MORC1: variants seen among roughly 807,000 people sequenced by gnomAD.
MORC1 encodes MORC family CW-type zinc finger protein 1.
A neutral mutation model predicts 134.9 loss-of-function variants in MORC1; 59 were observed. The observed-to-expected ratio is 0.44, with a 90% CI of 0.35 to 0.54. The LOEUF (loss-of-function observed/expected upper bound fraction) is 0.54, where lower values mean the gene tolerates loss of function less well. MORC1 is among the 20% of genes least tolerant of loss of function. The pLI is 0.00. For synonymous variants in MORC1, 395 were observed against 391.7 expected (o/e 1.01, Z -0.10); for missense variants, 947 against 1,134.5 (o/e 0.83, Z 2.37).
chr3:109,045,128 G>A (rs1433061253), intron 14 of MORC1, among the ~76,000 whole-genome samples: 3 of 152,050 alleles, frequency 2.0e-5, no homozygotes, highest in Non-Finnish European at 2.9e-5. Context: ...GCCTGAAACA[G>A]TTTATAAACT....
At chr3:109,083,778 C>T (rs944502604) in intron 8 of MORC1, among the ~76,000 whole-genome samples, 3 of 152,054 alleles carry the variant, frequency 2.0e-5, no homozygotes, top group African/African-American at 7.2e-5. Context: ...ACAAGCAAAT[C>T]GAATTCATCA....
intron 17 of MORC1, among the ~76,000 whole-genome samples, chr3:109,021,583 A>C (rs1038975415): frequency 6.6e-6 from 1 of 152,240 alleles, no homozygotes; most frequent in Non-Finnish European, 1.5e-5. Flanking sequence ...AATGGATGGC[A>C]TTCCTCAGTG....
At chr3:109,092,264 T>A (rs1324517590) in intron 8 of MORC1, among the ~76,000 whole-genome samples, 1 of 152,198 alleles carries the variant, frequency 6.6e-6, no homozygotes, top group East Asian at 1.9e-4. Flanking sequence ...TCCATTTATG[T>A]GTATATTAGG....
chr3:109,081,748 C>G (rs916697248), intron 8 of MORC1, among the ~76,000 whole-genome samples: 1 of 152,162 alleles, frequency 6.6e-6, no homozygotes, highest in Non-Finnish European at 1.5e-5. Context: ...CCACTGCGCC[C>G]AGCCAAGAAT....
chr3:109,037,308 A>G (rs1949402140), intron 14 of MORC1, among the ~76,000 whole-genome samples: 1 of 152,162 alleles, frequency 6.6e-6, no homozygotes, highest in Non-Finnish European at 1.5e-5. Flanking sequence ...GTAGCGTCAC[A>G]TGGACTTGTT....
At chr3:109,106,251 ATT>A (rs1468467802) in intron 3 of MORC1, among the ~76,000 whole-genome samples, 4 of 152,190 alleles carry the variant, frequency 2.6e-5, no homozygotes, top group Non-Finnish European at 4.4e-5. Context: ...GCCACAGCTG[ATT>A]TGCACTTCTT....
At chr3:108,976,288 T>C (rs1323143002) in intron 24 of MORC1, among the ~76,000 whole-genome samples, 1 of 152,184 alleles carries the variant, frequency 6.6e-6, no homozygotes, top group African/African-American at 2.4e-5. Flanking sequence ...CCCTTTATAC[T>C]TCAAAGGTCT....
At chr3:109,095,863 T>A (rs1950822321) in intron 6 of MORC1, among the ~76,000 whole-genome samples, 1 of 152,086 alleles carries the variant, frequency 6.6e-6, no homozygotes, top group Non-Finnish European at 1.5e-5. Flanking sequence ...TAGATCACAT[T>A]ATTGTGACAA....
intron 24 of MORC1, among the ~76,000 whole-genome samples, chr3:108,971,803 GAGGAAGGAAGGA>G (rs370029015): frequency 7.0e-6 from 1 of 142,322 alleles, no homozygotes; most frequent in African/African-American, 2.6e-5. Context: ...GTTACTGAAA[GAGGAAGGAAGGA>G]AGGAAGGAAG....
At chr3:108,983,101 C>A (rs964938259) in intron 23 of MORC1, among the ~76,000 whole-genome samples, 2 of 151,574 alleles carry the variant, frequency 1.3e-5, no homozygotes, top group Non-Finnish European at 2.9e-5. Context: ...CACCTGCATA[C>A]ACACAAATGT....
chr3:109,117,828 T>C (rs766371931), intron 1 of MORC1, among the ~76,000 whole-genome samples, 167 bp downstream of exon 1: 1 of 152,160 alleles, frequency 6.6e-6, no homozygotes, highest in South Asian at 2.1e-4. Flanking sequence ...CCAGAATATA[T>C]CTTTATTATG....
intron 25 of MORC1, among the ~76,000 whole-genome samples, chr3:108,970,213 A>G (rs750958212): frequency 6.6e-6 from 1 of 152,130 alleles, no homozygotes; most frequent in Admixed American, 6.5e-5. Flanking sequence ...AGACATGCCA[A>G]CATTGAGAAA....
intron 24 of MORC1, among the ~76,000 whole-genome samples, chr3:108,973,508 T>C (rs1228062461): frequency 6.6e-6 from 1 of 152,048 alleles, no homozygotes; most frequent in African/African-American, 2.4e-5. Flanking sequence ...GTATTTTTCT[T>C]TGGGAAAAAA....
At position 109,000,723 on chromosome 3, in the gene MORC1, A is replaced by G. The variant is rs1948382392; in HGVS notation, c.2086-65T>C. 3 of 1,163,098 alleles carry G rather than the reference A, an allele frequency of 2.6e-6. No individual in the cohort carries two copies. The Admixed American group carries it at 5.9e-5, about 23-fold the overall frequency. The allele number at this position is 1,163,098 out of a possible 1,614,324, so 72.0% of individuals were successfully genotyped here. ...GGCAATCAATGGTACATACTAAACTACCTTCACTCTTCATTCTGCCTCTAC... is the reference window on the plus strand; with the variant it reads ...GGCAATCAATGGTACATACTAAACTGCCTTCACTCTTCATTCTGCCTCTAC... On this transcript the variant is annotated intron_variant, in intron 20 of 27. Transcript: ENST00000232603.
intron 24 of MORC1, among the ~76,000 whole-genome samples, chr3:108,979,184 A>AC (rs1947643810): frequency 1.3e-5 from 2 of 152,154 alleles, no homozygotes; most frequent in African/African-American, 4.8e-5. Flanking sequence ...ACCAAAAAAA[A>AC]CCCAGAGTTT....
At chr3:109,094,599 T>C (rs1950793301) in intron 7 of MORC1, among the ~76,000 whole-genome samples, 1 of 152,200 alleles carries the variant, frequency 6.6e-6, no homozygotes, top group Non-Finnish European at 1.5e-5. Context: ...ATGCAATAAG[T>C]GTCTCCTAAC....
In MORC1 at chr3:108,997,538, A is replaced by T. The variant is rs538526206; in HGVS notation, c.2187+3019T>A. Among the ~76,000 whole-genome samples, 53 of 152,254 alleles carry T rather than the reference A, an allele frequency of 3.5e-4. 1 individual carries two copies. The South Asian group carries it at 0.01, about 29-fold the overall frequency. ...AATTTAAAAGGTAAAATAAAAAAAT[A>T]AAAAATTGCTTCAACAGACCACAGG... is the stretch of plus-strand genomic sequence containing the variant. On this transcript the variant is annotated intron_variant, in intron 21 of 27. Coordinates refer to ENST00000232603, the MANE Select transcript of MORC1 (RefSeq NM_014429.4).
At chr3:108,987,637 T>C (rs1181377421) in intron 21 of MORC1, among the ~76,000 whole-genome samples, 1 of 150,444 alleles carries the variant, frequency 6.6e-6, no homozygotes, top group Non-Finnish European at 1.5e-5. Flanking sequence ...AGGGTGGGAG[T>C]GGATGGGGGA....
At chr3:108,985,020 T>C (rs1947859048) in intron 22 of MORC1, among the ~76,000 whole-genome samples, 1 of 152,236 alleles carries the variant, frequency 6.6e-6, no homozygotes, top group South Asian at 2.1e-4. Context: ...TAGCTTTTTT[T>C]TGGTAATTTT....
Sources: gnomAD v4.1 joint callset for allele counts (sites outside exome capture counted in the v4.1 genomes callset) on GRCh38, gnomAD v4.1.1 for gene constraint, MANE v1.5 for transcripts, NCBI Gene and HGNC (gene_info 2026-07-23, HGNC 2026-07-21) for gene names.